CEBPZ: variants seen among roughly 807,000 people sequenced by gnomAD.
The protein encoded by CEBPZ is CCAAT enhancer binding protein zeta, also known as CCAAT/enhancer-binding protein zeta.
In CEBPZ, 78 loss-of-function variants were observed where a neutral mutation model predicts 104.5. The observed-to-expected ratio is 0.75, with a 90% CI of 0.62 to 0.90. CEBPZ has a LOEUF of 0.90. Ranked by LOEUF, CEBPZ falls within the 40% of genes least tolerant of loss-of-function variation. CEBPZ has a pLI of 0.00. For synonymous variants in CEBPZ, 470 were observed against 427.0 expected (o/e 1.10, Z -1.24); for missense variants, 1,439 against 1,233.5 (o/e 1.17, Z -2.50).
chr2:37,203,860 T>C (rs1245216077), intron 13 of CEBPZ: 8 of 152,356 alleles, frequency 5.3e-5, no homozygotes, highest in Admixed American at 5.2e-4. Context: ...GGCTCATCCA[T>C]GTTGTAGTAC....
In CEBPZ at chr2:37,227,785, G is replaced by A. The variant is rs527616050; in HGVS notation, c.1408C>T (p.Arg470Trp). Reference protein sequence around the residue: ...KLITVYFCFFRTCVKKKDVES... With the variant: ...KLITVYFCFFWTCVKKKDVES... ...ACATCTTTTTTTTTGACACAAGTCCGAAAAAAGCAAAAGTAAACAGTTATT... is the reference window on the plus strand; with the variant it reads ...ACATCTTTTTTTTTGACACAAGTCCAAAAAAAGCAAAAGTAAACAGTTATT... Residue 470 changes from arginine to tryptophan, a missense_variant, in exon 2 of 16, where the codon CGG becomes TGG. Coordinates refer to ENST00000234170, the MANE Select transcript of CEBPZ (RefSeq NM_005760.3). The A allele has an allele frequency of 5.0e-6, 8 of 1,613,556 alleles. No individual in the cohort carries two copies. The highest frequency in any genetic ancestry group is 2.2e-5 in the East Asian group (1 of 44,874).
intron 1 of CEBPZ, among the ~76,000 whole-genome samples, chr2:37,229,366 A>G (rs532055487): frequency 6.6e-6 from 1 of 152,226 alleles, no homozygotes; most frequent in Non-Finnish European, 1.5e-5. Flanking sequence ...GTAAGTGACA[A>G]CCCAAAAGAA....
rs562132143 is a variant in CEBPZ at position 37,228,228 on chromosome 2, T to C, written c.965A>G (p.Asn322Ser). 3.7e-6 allele frequency: 6 copies of C among 1,614,230 alleles called. No homozygotes were observed. The highest frequency in any genetic ancestry group is 3.3e-5 in the South Asian group (3 of 91,088). ...CAGTCTTCTATCTCTTGAGTCCTTG[T>C]TGCCACTGGACAACTGTTCCAGTTT... ...FDKLEQLSSG[N>S]KDSRDRRLIL... Residue 322 changes from asparagine to serine, a missense_variant, in exon 2 of 16, where the codon AAC (asparagine) becomes AGC (serine). Asn to Ser is a conservative substitution (Grantham distance 46). Coordinates refer to ENST00000234170, the MANE Select transcript of CEBPZ (RefSeq NM_005760.3).
chr2:37,213,318 T>C (rs914777242), intron 10 of CEBPZ: 1 of 152,460 alleles, frequency 6.6e-6, no homozygotes, highest in African/African-American at 2.4e-5. Flanking sequence ...TAAGCAAATA[T>C]AAATGTTTTC....
intron 1 of CEBPZ, 138 bp downstream of exon 1, chr2:37,231,274 G>A (rs543222565): frequency 6.7e-6 from 8 of 1,189,676 alleles, no homozygotes; most frequent in South Asian, 1.3e-5. Context: ...GAAGCGCACC[G>A]AACACATGCT....
chr2:37,202,909 T>C lies in CEBPZ; in HGVS notation c.2943+41A>G, dbSNP rs779771051. 5.0e-6 allele frequency: 8 copies of C among 1,593,720 alleles called. No homozygotes were observed. In the South Asian group the frequency reaches 8.0e-5, roughly 16 times the overall value. On this transcript the variant is annotated intron_variant, in intron 14 of 15. Coordinates refer to ENST00000234170, the MANE Select transcript of CEBPZ (RefSeq NM_005760.3). Reference sequence around the variant, plus strand: ...AAATTTATTAGAAAACTAAAAATAATGTAGAATAGCTAGCTTGTTAAAACA... The same window carrying C: ...AAATTTATTAGAAAACTAAAAATAACGTAGAATAGCTAGCTTGTTAAAACA...
chr2:37,216,037 G>T, intron 8 of CEBPZ, 103 bp downstream of exon 8: 1 of 802,116 alleles, frequency 1.2e-6, no homozygotes. Flanking sequence ...TGTCTTTGAT[G>T]CTCAGGTTTT....
At chr2:37,224,027 G>A (rs2148360390) in intron 2 of CEBPZ, among the ~76,000 whole-genome samples, 1 of 152,196 alleles carries the variant, frequency 6.6e-6, no homozygotes, top group Non-Finnish European at 1.5e-5. Flanking sequence ...TAGTCTCTCA[G>A]TCCCATGTTT....
intron 10 of CEBPZ, among the ~76,000 whole-genome samples, chr2:37,212,833 AT>A (rs1335364739): frequency 2.2e-5 from 3 of 138,124 alleles, no homozygotes; most frequent in African/African-American, 2.6e-5. Flanking sequence ...CCCTATCTCT[AT>A]TAAAAAAAAA....
chr2:37,206,234 T>C (rs371537840), intron 13 of CEBPZ, among the ~76,000 whole-genome samples: 37 of 152,362 alleles, frequency 2.4e-4, no homozygotes, highest in African/African-American at 8.2e-4. Flanking sequence ...GCAACGTGTT[T>C]AGTCTCCTTA....
In CEBPZ at chr2:37,204,907, T is replaced by C. The variant is rs376074099; in HGVS notation, c.2885-1899A>G. 3.4e-3 allele frequency among the ~76,000 whole-genome samples: 519 copies of C among 152,312 alleles called. 2 individuals are homozygous for C. Among genetic ancestry groups the C allele is most frequent in the Non-Finnish European group, 6.0e-3 (407 of 68,018 alleles). On this transcript the variant is annotated intron_variant, in intron 13 of 15. Transcript: ENST00000234170. ...ATCTTTTTTAACATTAAAAAATTTT[T>C]TTCTTCTCCTCAAATTCCTTTTACC...
Position 37,222,420 on chromosome 2 carries a change from T to G in CEBPZ, c.2025A>C (p.Lys675Asn), listed in dbSNP as rs777017502. ...TVPETDVETKKPEVASWVHFD... is the reference protein window; with the variant it reads ...TVPETDVETKNPEVASWVHFD... ...AGTGCACCCAGGAAGCAACCTCTGG[T>G]TTTTTGGTTTCTACATCAGTTTCAG... The change falls in exon 4 of 16, where the codon AAA (lysine) becomes AAC (asparagine). Residue 675 changes from lysine to asparagine, a missense_variant. By Grantham distance (94) the Lys-to-Asn change is moderately conservative (BLOSUM62 0). Transcript: ENST00000234170. The G allele has an allele frequency of 1.9e-6, 3 of 1,598,336 alleles. No individual in the cohort carries two copies. The highest frequency in any genetic ancestry group is 2.6e-6 in the Non-Finnish European group (3 of 1,175,056).
chr2:37,217,817 G>C (rs188093624), intron 5 of CEBPZ, among the ~76,000 whole-genome samples: 3,430 of 150,634 alleles, frequency 0.023, 61 homozygotes, highest in Middle Eastern at 0.055. Flanking sequence ...CAGGAGAATG[G>C]TGTGAACCTG....
intron 2 of CEBPZ, among the ~76,000 whole-genome samples, chr2:37,224,532 G>T (rs963042569): frequency 6.6e-6 from 1 of 151,992 alleles, no homozygotes; most frequent in African/African-American, 2.4e-5. Context: ...GGGATATTCT[G>T]GATTATTCAA....
chr2:37,214,966 T>C lies in CEBPZ; in HGVS notation c.2381-14A>G, dbSNP rs780691030. 1 of 1,546,468 alleles carries C rather than the reference T, an allele frequency of 6.5e-7. No homozygotes were observed. Among genetic ancestry groups the C allele is most frequent in the Non-Finnish European group, 8.9e-7 (1 of 1,119,678 alleles). On this transcript the variant is annotated splice_polypyrimidine_tract_variant and intron_variant, in intron 8 of 15. Transcript: ENST00000234170. ...CCTTACTGTTCACTACAAAAATAAA[T>C]TTAAACATTTTAACTTCATATAGCA...
At chr2:37,208,300 A>G (rs1677606249) in intron 13 of CEBPZ, among the ~76,000 whole-genome samples, 1 of 152,102 alleles carries the variant, frequency 6.6e-6, no homozygotes, top group Non-Finnish European at 1.5e-5. Context: ...CATTCAATGA[A>G]GCCAATATCG....
In CEBPZ at chr2:37,201,919, A is replaced by G. The variant is rs780310909; in HGVS notation, c.3026-16T>C. 2.5e-6 allele frequency: 4 copies of G among 1,610,758 alleles called. No homozygotes were observed. Among genetic ancestry groups the G allele is most frequent in the Non-Finnish European group, 3.4e-6 (4 of 1,178,904 alleles). ...TGTTTGAGACCTTTGAGAGAAGAAG[A>G]AAAGATGAGTGTACTACCACACTGT... On this transcript the variant is annotated splice_polypyrimidine_tract_variant and intron_variant, in intron 15 of 15. Coordinates refer to ENST00000234170, the MANE Select transcript of CEBPZ (RefSeq NM_005760.3).
At chr2:37,231,257 G>C in intron 1 of CEBPZ, 155 bp downstream of exon 1, 2 of 983,806 alleles carry the variant, frequency 2.0e-6, no homozygotes, top group East Asian at 2.6e-5. Flanking sequence ...AGTGGAAACC[G>C]GCGTGGGAAG....
At chr2:37,216,948 T>C in intron 6 of CEBPZ, 36 bp downstream of exon 6, 10 of 1,526,450 alleles carry the variant, frequency 6.6e-6, no homozygotes, top group Non-Finnish European at 9.1e-6. Context: ...ATACTTTTTT[T>C]CTTATTTCTC....
Sources: gnomAD v4.1 joint callset for allele counts (sites outside exome capture counted in the v4.1 genomes callset) on GRCh38, gnomAD v4.1.1 for gene constraint, MANE v1.5 for transcripts, NCBI Gene and HGNC (gene_info 2026-07-23, HGNC 2026-07-21) for gene names.